Variants in ATP1A3 observed in about 807,000 individuals in gnomAD.
ATP1A3 encodes ATPase Na+/K+ transporting subunit alpha 3.
In ATP1A3, 12 loss-of-function variants were observed where a neutral mutation model predicts 108.8. The observed-to-expected ratio is 0.11, with a 90% CI of 0.07 to 0.18. The LOEUF (loss-of-function observed/expected upper bound fraction) is 0.18, where lower values mean the gene tolerates loss of function less well. ATP1A3 is among the 10% of genes least tolerant of loss of function. The probability of loss-of-function intolerance (pLI) is 1.00; values close to 1 mark genes in which losing one functional copy is unlikely to be tolerated. For synonymous variants in ATP1A3, 539 were observed against 564.5 expected, an observed-to-expected ratio of 0.95 and a Z score of 0.64; for missense variants, 498 against 1,387.7, an observed-to-expected ratio of 0.36 and a Z score of 10.19.
Position 41,970,144 on chromosome 19 carries a change from C to T in ATP1A3, c.2542+41G>A, listed in dbSNP as rs117877202. On this transcript the variant is annotated intron_variant, in intron 18 of 22. Coordinates refer to ENST00000648268, the MANE Select transcript of ATP1A3 (RefSeq NM_152296.5). ...GGTGGGCCAGGCACTGCTCTAGGCC[C>T]GGCACTGGGTGGTAAGGAGATGGAG... The T allele has an allele frequency of 1.4e-4, 229 of 1,614,104 alleles. 1 individual carries two copies. In the East Asian group the frequency reaches 2.3e-3, roughly 16 times the overall value.
rs782304380 is a variant in ATP1A3 at position 41,985,448 on chromosome 19, G to A, written c.607-25C>T. 14 of 1,599,544 alleles carry A rather than the reference G, an allele frequency of 8.8e-6. 1 individual carries two copies. In the South Asian group the frequency reaches 8.8e-5, roughly 10 times the overall value. ...CCTGGGGGTAGGTGCAGCAGAGAGAGGGTTCAGTCCAGGGCCTGGGACAGG... is the reference window on the plus strand; with the variant it reads ...CCTGGGGGTAGGTGCAGCAGAGAGAAGGTTCAGTCCAGGGCCTGGGACAGG... On this transcript the variant is annotated intron_variant, in intron 6 of 22. Coordinates refer to ENST00000648268, the MANE Select transcript of ATP1A3 (RefSeq NM_152296.5). This position sits in a 1 kb window ranked among gnomAD's most constrained non-coding sequence, Gnocchi z 8.2.
Position 41,981,078 on chromosome 19 carries a change from C to T in ATP1A3, c.1437+424G>A, listed in dbSNP as rs548200232. The stretch of plus-strand genomic sequence containing the variant: ...AGTGCGTGATGTAGGCTCTCTGCAG[C>T]CCCAACCTCCCCGGCTCAGGCAATC... On this transcript the variant is annotated intron_variant, in intron 11 of 22. Transcript: ENST00000648268. The surrounding 1 kb of genome is among the most constrained non-coding windows in gnomAD (Gnocchi z 5.0). 1.3e-5 allele frequency among the ~76,000 whole-genome samples: 2 copies of T among 151,142 alleles called. No individual in the cohort carries two copies. The highest frequency in any genetic ancestry group is 4.0e-4 in the East Asian group (2 of 5,056).
In ATP1A3 at chr19:41,994,061, C is replaced by G; in HGVS notation, c.6+10G>C. Reference sequence around the variant, plus strand: ...ACACGGAAGCGGCGCCCAGCCGGCTCAGCACCTACCCCCATCTTGGCGGCT... The same window carrying G: ...ACACGGAAGCGGCGCCCAGCCGGCTGAGCACCTACCCCCATCTTGGCGGCT... On this transcript the variant is annotated intron_variant, in intron 1 of 22. Coordinates refer to ENST00000648268, the MANE Select transcript of ATP1A3 (RefSeq NM_152296.5). 1 of 1,608,136 alleles carries G rather than the reference C, an allele frequency of 6.2e-7. No individual in the cohort carries two copies. The highest frequency in any genetic ancestry group is 8.5e-7 in the Non-Finnish European group (1 of 1,177,886).
At chr19:41,989,485 A>AT (rs1244599557) in intron 1 of ATP1A3, among the ~76,000 whole-genome samples, 1 of 151,750 alleles carries the variant, frequency 6.6e-6, no homozygotes, top group African/African-American at 2.4e-5. Flanking sequence ...CGCCCGGCTC[A>AT]TTTTTTTGTA....
intron 16 of ATP1A3, among the ~76,000 whole-genome samples, chr19:41,973,846 A>C (rs1402167354): frequency 1.3e-5 from 2 of 152,132 alleles, no homozygotes; most frequent in Non-Finnish European, 2.9e-5. Flanking sequence ...CTGTGTATGC[A>C]TAGATGTCTT....
chr19:41,974,689 G>C (rs2075147382), intron 16 of ATP1A3, among the ~76,000 whole-genome samples: 1 of 152,178 alleles, frequency 6.6e-6, no homozygotes, highest in Admixed American at 6.5e-5. Context: ...CGAGGTTACG[G>C]GTGATTCTAC....
chr19:41,992,267 T>G (rs780139659), intron 1 of ATP1A3, among the ~76,000 whole-genome samples: 13 of 152,154 alleles, frequency 8.5e-5, no homozygotes, highest in Non-Finnish European at 1.5e-4. Context: ...CAGACCCCCT[T>G]GGGGAGCAGG....
chr19:41,991,891 G>T (rs1308101850), intron 1 of ATP1A3, among the ~76,000 whole-genome samples: 5 of 145,438 alleles, frequency 3.4e-5, no homozygotes, highest in Non-Finnish European at 3.0e-5. Context: ...GGACCCTTGG[G>T]TCTGAGGGAG....
At chr19:41,982,149 G>A (rs1399567976) in intron 8 of ATP1A3, 43 bp from the exon 9 acceptor site, 13 of 1,613,160 alleles carry the variant, frequency 8.1e-6, no homozygotes, top group South Asian at 1.1e-5. Context: ...GGACAAGCCC[G>A]GCAGCAGGGT....
At chr19:41,971,417 G>A (rs1220290453) in intron 16 of ATP1A3, among the ~76,000 whole-genome samples, 2 of 152,132 alleles carry the variant, frequency 1.3e-5, no homozygotes, top group African/African-American at 2.4e-5. Flanking sequence ...CAAAAGAGAG[G>A]AGGACTGTTT....
In ATP1A3 at chr19:41,988,153, G is replaced by A. The variant is rs374600999; in HGVS notation, c.154-14C>T. On this transcript the variant is annotated splice_polypyrimidine_tract_variant and intron_variant, in intron 3 of 22. Coordinates refer to ENST00000648268, the MANE Select transcript of ATP1A3 (RefSeq NM_152296.5). The surrounding 1 kb of genome is among the most constrained non-coding windows in gnomAD (Gnocchi z 5.3). The stretch of plus-strand genomic sequence containing the variant: ...GTGGGTCAAACCCTGAGGGACAGAG[G>A]ACTCACACAGAACCCTCCCTGGGCA... 3.7e-6 allele frequency: 6 copies of A among 1,614,094 alleles called. No homozygotes were observed. Among genetic ancestry groups the A allele is most frequent in the South Asian group, 1.1e-5 (1 of 91,086 alleles).
At chr19:41,986,450 A>C (rs2075287602) in intron 4 of ATP1A3, 1 of 414,256 alleles carries the variant, frequency 2.4e-6, no homozygotes, top group African/African-American at 2.1e-5. Flanking sequence ...GGGTCTGTCG[A>C]TTTTTTTTTT....
At position 41,988,979 on chromosome 19, in the gene ATP1A3, C is replaced by G. The variant is rs576720322; in HGVS notation, c.7-417G>C. Among the ~76,000 whole-genome samples, 2 of 152,328 alleles carry G rather than the reference C, an allele frequency of 1.3e-5. No homozygotes were observed. Among genetic ancestry groups the G allele is most frequent in the African/African-American group, 4.8e-5 (2 of 41,578 alleles). ...TCGTTTTTTGAAACAATGTCTCACT[C>G]TGATGCCCAGGCTGGAGTGCAGCAA... On this transcript the variant is annotated intron_variant, in intron 1 of 22. Transcript: ENST00000648268. The surrounding 1 kb of genome is among the most constrained non-coding windows in gnomAD (Gnocchi z 5.3).
At chr19:41,973,239 C>G (rs1049647660) in intron 16 of ATP1A3, among the ~76,000 whole-genome samples, 61 of 152,114 alleles carry the variant, frequency 4.0e-4, no homozygotes, top group African/African-American at 1.4e-3. Context: ...CTGGAATGCC[C>G]CCGTTGGAAG....
At chr19:41,977,083 C>G (rs1232184877) in intron 14 of ATP1A3, among the ~76,000 whole-genome samples, 17 of 151,686 alleles carry the variant, frequency 1.1e-4, no homozygotes, top group Non-Finnish European at 1.6e-4. Context: ...GCTGGGATTA[C>G]AGGCGTGAGC....
At chr19:41,993,204 A>C in intron 1 of ATP1A3, 2 of 232,300 alleles carry the variant, frequency 8.6e-6, no homozygotes, top group Admixed American at 4.5e-5. Context: ...CGCCCCAGAC[A>C]CACAGGGAGG....
Position 41,968,668 on chromosome 19 carries a change from C to T in ATP1A3, c.2819+117G>A. 6.7e-7 allele frequency: 1 copy of T among 1,502,142 alleles called. No homozygotes were observed. Among genetic ancestry groups the T allele is most frequent in the Middle Eastern group, 1.7e-4 (1 of 5,776 alleles). 93.1% of individuals were successfully genotyped at this position (1,502,142 alleles called of 1,614,324 possible). ...TCCAGTCTGGGTGACAGAGTGAGAC[C>T]CTGCCTCAACAAAACAACAAAAAAC... On this transcript the variant is annotated intron_variant, in intron 20 of 22. Coordinates refer to ENST00000648268, the MANE Select transcript of ATP1A3 (RefSeq NM_152296.5). This position sits in a 1 kb window ranked among gnomAD's most constrained non-coding sequence, Gnocchi z 5.0.
chr19:41,993,288 A>T, intron 1 of ATP1A3: 2 of 1,179,546 alleles, frequency 1.7e-6, no homozygotes, highest in African/African-American at 1.5e-5. Flanking sequence ...ACTCACAGAC[A>T]GACAAGGACA....
rs146606627 is a variant in ATP1A3, at chr19:41,978,736, G to A, written c.1500C>T (p.Ala500=). The A allele has an allele frequency of 8.7e-5, 140 of 1,613,966 alleles. No homozygotes were observed. Among genetic ancestry groups the A allele is most frequent in the Admixed American group, 3.0e-4 (18 of 60,004 alleles). The change falls in exon 12 of 23, where the codon GCC becomes GCT. Residue 500 remains alanine (A), a synonymous_variant. Coordinates refer to ENST00000648268, the MANE Select transcript of ATP1A3 (RefSeq NM_152296.5). This position sits in a 1 kb window ranked among gnomAD's most constrained non-coding sequence, Gnocchi z 8.3. The part of the protein sequence containing the change: ...DNRYLLVMKG[A]PERILDRCST... ...AGCAGCGGTCCAGGATGCGCTCGGG[G>A]GCACCCTTCATCACCAGCAGGTATC...
Sources: gnomAD v4.1 joint callset for allele counts (sites outside exome capture counted in the v4.1 genomes callset) on GRCh38, gnomAD v4.1.1 for gene constraint, Gnocchi (gnomAD v3.1) non-coding constraint, MANE v1.5 for transcripts, NCBI Gene and HGNC (gene_info 2026-07-23, HGNC 2026-07-21) for gene names.